NEMP2: variants seen among roughly 807,000 people sequenced by gnomAD.
NEMP2 encodes the protein nuclear envelope integral membrane protein 2, also known as UPF0571 transmembrane protein.
In NEMP2, 53 loss-of-function variants were observed where a neutral mutation model predicts 54.2. The ratio of observed to expected loss-of-function variants is 0.98; its 90% confidence interval spans 0.78 to 1.23. The LOEUF (loss-of-function observed/expected upper bound fraction) is 1.23. Ranked by LOEUF, NEMP2 falls within the 50% of genes most tolerant of loss-of-function variation. NEMP2 has a pLI of 0.00. For synonymous variants in NEMP2, 197 were observed against 190.3 expected (o/e 1.04, Z -0.29); for missense variants, 455 against 511.3 (o/e 0.89, Z 1.06).
At chr2:190,536,635 C>T (rs1691386530), upstream of NEMP2, among the ~76,000 whole-genome samples, 1 of 152,174 alleles carries the variant, frequency 6.6e-6, no homozygotes, top group Admixed American at 6.5e-5. Flanking sequence ...CAACACCAGT[C>T]AACTAGTGAG....
At position 190,529,739 on chromosome 2, in the gene NEMP2, C is replaced by T. The variant is rs897380314; in HGVS notation, c.98-4361G>A. 1.3e-5 allele frequency among the ~76,000 whole-genome samples: 2 copies of T among 152,160 alleles called. No homozygotes were observed. The highest frequency in any genetic ancestry group is 2.4e-5 in the African/African-American group (1 of 41,428). On this transcript the variant is annotated intron_variant, in intron 1 of 8. Transcript: ENST00000409150. The surrounding 1 kb of genome is among the most constrained non-coding windows in gnomAD (Gnocchi z 4.7). ...GTGTGGCCTACCAATGGAAGTCCAG[C>T]CAATCTTTGTAAGAGCCTGGCCAGG... is the stretch of plus-strand genomic sequence containing the variant.
chr2:190,511,849 C>T (rs75579212), intron 7 of NEMP2, among the ~76,000 whole-genome samples: 26,045 of 151,140 alleles, frequency 0.17, 2,394 homozygotes, highest in East Asian at 0.31. Context: ...CCACTGCGCC[C>T]GGCCTAAAAC....
Position 190,510,292 on chromosome 2 carries a change from CAA to C in NEMP2, c.1130+67_1130+68del. On this transcript the variant is annotated intron_variant, in intron 8 of 8. Coordinates refer to ENST00000409150, the MANE Select transcript of NEMP2 (RefSeq NM_001142645.2). The surrounding 1 kb of genome is among the most constrained non-coding windows in gnomAD (Gnocchi z 5.7). ...TATTTCTACCCTGAAGTGCCTGTACCAAACCATCATATTATTTTTTAAATCAT... is the reference window on the plus strand; with the variant it reads ...TATTTCTACCCTGAAGTGCCTGTACCACCATCATATTATTTTTTAAATCAT... The C allele has an allele frequency of 1.3e-6, 2 of 1,525,164 alleles. No individual in the cohort carries two copies. Among genetic ancestry groups the C allele is most frequent in the Admixed American group, 4.0e-5 (2 of 50,100 alleles). The allele number at this position is 1,525,164 out of a possible 1,614,324, so 94.5% of individuals were successfully genotyped here.
chr2:190,563,587 C>T, the NEMP2 span, among the ~76,000 whole-genome samples: 3 of 152,008 alleles, frequency 2.0e-5, no homozygotes, highest in African/African-American at 7.3e-5. This position sits in a 1 kb window ranked among gnomAD's most constrained non-coding sequence, Gnocchi z 4.3. Context: ...TTTTTGAAAA[C>T]TCTACCACAA....
At chr2:190,616,399 A>C in the NEMP2 span, among the ~76,000 whole-genome samples, 1 of 152,052 alleles carries the variant, frequency 6.6e-6, no homozygotes, top group Non-Finnish European at 1.5e-5. The surrounding 1 kb of genome is among the most constrained non-coding windows in gnomAD (Gnocchi z 5.1). Context: ...GAATAGAAAA[A>C]TTAGTAGAGT....
the NEMP2 span, among the ~76,000 whole-genome samples, chr2:190,551,685 G>T: frequency 6.6e-6 from 1 of 151,798 alleles, no homozygotes; most frequent in Non-Finnish European, 1.5e-5. Context: ...TTTCCCCTTA[G>T]GAATAAGTGC....
At chr2:190,573,196 G>A in the NEMP2 span, among the ~76,000 whole-genome samples, 2 of 152,000 alleles carry the variant, frequency 1.3e-5, no homozygotes, top group African/African-American at 2.4e-5. Context: ...CTGCAGGCAA[G>A]TACTTACTCT....
upstream of NEMP2, among the ~76,000 whole-genome samples, chr2:190,537,918 A>G (rs558101145): frequency 6.6e-6 from 1 of 152,318 alleles, no homozygotes; most frequent in Non-Finnish European, 1.5e-5. Context: ...GGCTGCACCT[A>G]GGAAACTTCA....
chr2:190,566,045 G>A, the NEMP2 span, among the ~76,000 whole-genome samples: 1 of 150,044 alleles, frequency 6.7e-6, no homozygotes, highest in Non-Finnish European at 1.5e-5. Context: ...CCTGGGCAAG[G>A]CAGCTCTGCA....
chr2:190,633,830 G>C, the NEMP2 span, among the ~76,000 whole-genome samples: 5 of 152,148 alleles, frequency 3.3e-5, no homozygotes, highest in African/African-American at 1.2e-4. Context: ...CAGTGACTCA[G>C]GAGACTGATA....
At chr2:190,631,015 G>T in the NEMP2 span, among the ~76,000 whole-genome samples, 1 of 150,042 alleles carries the variant, frequency 6.7e-6, no homozygotes. Context: ...AAAAAAAAAA[G>T]ATCTGAGTCA....
chr2:190,570,677 C>T, the NEMP2 span, among the ~76,000 whole-genome samples: 1 of 152,190 alleles, frequency 6.6e-6, no homozygotes, highest in Non-Finnish European at 1.5e-5. This position sits in a 1 kb window ranked among gnomAD's most constrained non-coding sequence, Gnocchi z 5.4. Context: ...ATTCTATTTC[C>T]ATTTGGGTCT....
At chr2:190,615,101 A>G in the NEMP2 span, among the ~76,000 whole-genome samples, 1 of 152,332 alleles carries the variant, frequency 6.6e-6, no homozygotes, top group African/African-American at 2.4e-5. The surrounding 1 kb of genome is among the most constrained non-coding windows in gnomAD (Gnocchi z 4.7). Context: ...TCTGACACCA[A>G]TTAGGTGTCC....
the NEMP2 span, among the ~76,000 whole-genome samples, chr2:190,460,820 G>A: frequency 1.3e-5 from 2 of 152,328 alleles, no homozygotes; most frequent in Admixed American, 1.3e-4. Flanking sequence ...GGAGGACTGA[G>A]AGCTAGGCAG....
At chr2:190,583,293 TC>T in the NEMP2 span, among the ~76,000 whole-genome samples, 10 of 151,994 alleles carry the variant, frequency 6.6e-5, no homozygotes, top group Admixed American at 2.0e-4. Flanking sequence ...GGAAGATTGT[TC>T]TTTCATTTTG....
the NEMP2 span, among the ~76,000 whole-genome samples, chr2:190,567,282 G>T: frequency 2.0e-5 from 3 of 151,956 alleles, no homozygotes; most frequent in African/African-American, 7.2e-5. The surrounding 1 kb of genome is among the most constrained non-coding windows in gnomAD (Gnocchi z 4.0). Flanking sequence ...AATAAGAAAG[G>T]AAAGGTATGA....
intron 1 of NEMP2, among the ~76,000 whole-genome samples, chr2:190,526,670 A>G (rs1178880935): frequency 6.6e-6 from 1 of 152,102 alleles, no homozygotes; most frequent in Non-Finnish European, 1.5e-5. Context: ...ATAAGCGGAG[A>G]GATAGTGAGG....
the NEMP2 span, chr2:190,609,666 A>C: frequency 6.6e-6 from 1 of 152,186 alleles, no homozygotes; most frequent in African/African-American, 2.4e-5. The surrounding 1 kb of genome is among the most constrained non-coding windows in gnomAD (Gnocchi z 4.7). Flanking sequence ...GCAGGCCTGC[A>C]TTAGTGAGAC....
chr2:190,543,819 G>T, the NEMP2 span, among the ~76,000 whole-genome samples: 3 of 152,180 alleles, frequency 2.0e-5, no homozygotes, highest in Non-Finnish European at 4.4e-5. This position sits in a 1 kb window ranked among gnomAD's most constrained non-coding sequence, Gnocchi z 4.7. Context: ...TGAAAAAGAT[G>T]ACAATTCAAT....
Sources: gnomAD v4.1 joint callset for allele counts (sites outside exome capture counted in the v4.1 genomes callset) on GRCh38, gnomAD v4.1.1 for gene constraint, Gnocchi (gnomAD v3.1) non-coding constraint, MANE v1.5 for transcripts, NCBI Gene and HGNC (gene_info 2026-07-23, HGNC 2026-07-21) for gene names.